The following CNTLN variants were observed in gnomAD, a reference collection of about 807,000 sequenced individuals.
CNTLN encodes centlein, centrosomal protein.
Under a neutral mutation model 180.0 loss-of-function variants are expected in CNTLN, and 212 were observed. The ratio of observed to expected loss-of-function variants is 1.18; its 90% CI spans 1.05 to 1.32. The LOEUF is 1.32. Ranked by LOEUF, CNTLN falls within the 40% of genes most tolerant of loss-of-function variation. The probability of loss-of-function intolerance (pLI) is 0.00; values close to 1 mark genes in which losing one functional copy is unlikely to be tolerated. For synonymous variants in CNTLN, 722 were observed against 563.1 expected (o/e 1.28, Z -3.99); for missense variants, 2,095 against 1,610.9 (o/e 1.30, Z -5.14).
chr9:17,211,052 T>C (rs1823267568), intron 2 of CNTLN, among the ~76,000 whole-genome samples: 1 of 152,228 alleles, frequency 6.6e-6, no homozygotes, highest in Non-Finnish European at 1.5e-5. Context: ...AGAAGCTCTT[T>C]AGTCTAATTA....
chr9:17,288,498 G>T (rs1189038243), intron 6 of CNTLN, among the ~76,000 whole-genome samples: 1 of 142,932 alleles, frequency 7.0e-6, no homozygotes, highest in African/African-American at 2.8e-5. Flanking sequence ...ATTTGGGGTG[G>T]AGAGTTCTGT....
At chr9:17,438,602 A>G (rs538165520) in intron 18 of CNTLN, among the ~76,000 whole-genome samples, 2 of 152,316 alleles carry the variant, frequency 1.3e-5, no homozygotes, top group East Asian at 3.9e-4. Flanking sequence ...AGAATTAAAA[A>G]GAAACTAAAT....
intron 8 of CNTLN, 115 bp downstream of exon 8, chr9:17,309,367 T>G: frequency 1.2e-6 from 1 of 830,712 alleles, no homozygotes; most frequent in Non-Finnish European, 1.8e-6. Context: ...GTATAAGAAG[T>G]GTGCAGATTG....
intron 5 of CNTLN, among the ~76,000 whole-genome samples, chr9:17,259,288 C>T (rs11506206): frequency 1.7e-4 from 25 of 145,712 alleles, no homozygotes; most frequent in African/African-American, 4.2e-4. Flanking sequence ...TATTGATTTG[C>T]GTATATTGAA....
intron 12 of CNTLN, among the ~76,000 whole-genome samples, chr9:17,346,758 C>G (rs535816396): frequency 2.0e-5 from 3 of 152,200 alleles, no homozygotes; most frequent in South Asian, 2.1e-4. Context: ...AGGTTTGTGA[C>G]TTTTGTCAAA....
chr9:17,436,056 T>C (rs575977707), intron 18 of CNTLN, among the ~76,000 whole-genome samples: 1 of 152,300 alleles, frequency 6.6e-6, no homozygotes, highest in South Asian at 2.1e-4. Flanking sequence ...TAGCCTCCTT[T>C]TGTGATATTT....
intron 2 of CNTLN, among the ~76,000 whole-genome samples, chr9:17,163,647 A>C (rs1323669668): frequency 1.3e-5 from 2 of 152,248 alleles, no homozygotes; most frequent in Admixed American, 6.5e-5. Context: ...TGAATAACTG[A>C]ACAAGCAAAT....
intron 2 of CNTLN, among the ~76,000 whole-genome samples, chr9:17,220,244 A>G (rs953936210): frequency 2.0e-5 from 3 of 152,034 alleles, no homozygotes; most frequent in African/African-American, 7.2e-5. Flanking sequence ...GCCTAGTATC[A>G]AGCTCATTTG....
At chr9:17,321,211 G>A (rs1392887562) in intron 8 of CNTLN, among the ~76,000 whole-genome samples, 2 of 152,166 alleles carry the variant, frequency 1.3e-5, no homozygotes, top group African/African-American at 2.4e-5. Flanking sequence ...ATTCGTCACA[G>A]TATATTATTT....
intron 14 of CNTLN, among the ~76,000 whole-genome samples, chr9:17,389,212 G>A (rs1271995026): frequency 6.6e-6 from 1 of 151,958 alleles, no homozygotes; most frequent in Admixed American, 6.6e-5. Context: ...ATTACTGAAT[G>A]ACACATATCA....
At chr9:17,453,847 G>C (rs1005183464) in intron 18 of CNTLN, among the ~76,000 whole-genome samples, 3 of 152,144 alleles carry the variant, frequency 2.0e-5, no homozygotes, top group Non-Finnish European at 2.9e-5. Context: ...AAAACCAACG[G>C]GGGAATCTCC....
intron 23 of CNTLN, among the ~76,000 whole-genome samples, chr9:17,474,675 C>T (rs1832233806): frequency 1.3e-5 from 2 of 152,046 alleles, no homozygotes; most frequent in African/African-American, 4.8e-5. Context: ...TCAAGACCAG[C>T]CTGGCCAACA....
chr9:17,505,479 C>A (rs937236357), downstream of CNTLN, among the ~76,000 whole-genome samples: 1 of 152,070 alleles, frequency 6.6e-6, no homozygotes, highest in African/African-American at 2.4e-5. Flanking sequence ...TGTTTCTATA[C>A]ACTAGTAAGC....
At position 17,413,719 on chromosome 9, in the gene CNTLN, T is replaced by G. The variant is rs1041952588; in HGVS notation, c.2797-2069T>G. On this transcript the variant is annotated intron_variant, in intron 16 of 25. Coordinates refer to ENST00000380647, the MANE Select transcript of CNTLN (RefSeq NM_017738.4). ...AGTAAAAATTAGTGAAAATACCAAG[T>G]GCTGACCAAGGGACAGGGAAACTGG... Among the ~76,000 whole-genome samples the G allele has an allele frequency of 3.3e-5, 5 of 152,240 alleles. No individual in the cohort carries two copies. In the East Asian group the frequency reaches 9.7e-4, roughly 29 times the overall value.
intron 23 of CNTLN, among the ~76,000 whole-genome samples, chr9:17,479,438 A>T (rs1289417386): frequency 6.6e-6 from 1 of 152,244 alleles, no homozygotes; most frequent in Non-Finnish European, 1.5e-5. Context: ...AGCCAGTTAC[A>T]GAAAGACAAG....
At chr9:17,142,291 G>A (rs955220610) in intron 1 of CNTLN, among the ~76,000 whole-genome samples, 9 of 152,008 alleles carry the variant, frequency 5.9e-5, no homozygotes, top group African/African-American at 2.2e-4. Context: ...TAGTGTTAGT[G>A]TATTTTATAT....
At chr9:17,433,097 A>G (rs954080709) in intron 18 of CNTLN, among the ~76,000 whole-genome samples, 1 of 151,790 alleles carries the variant, frequency 6.6e-6, no homozygotes, top group Non-Finnish European at 1.5e-5. Flanking sequence ...ATTCTCCACT[A>G]AATTCCTCAC....
chr9:17,392,806 A>G (rs1056269373), intron 14 of CNTLN, among the ~76,000 whole-genome samples: 2 of 152,156 alleles, frequency 1.3e-5, no homozygotes, highest in African/African-American at 4.8e-5. Context: ...ATTAAAAAAA[A>G]AAGGGTAATA....
chr9:17,524,559 C>T, the CNTLN span, among the ~76,000 whole-genome samples: 2 of 152,178 alleles, frequency 1.3e-5, no homozygotes, highest in Non-Finnish European at 2.9e-5. Flanking sequence ...TAATGTTTGA[C>T]CAAGTGTCTA....
Sources: allele counts gnomAD v4.1 joint callset (sites outside exome capture counted in the v4.1 genomes callset), GRCh38; gene constraint gnomAD v4.1.1; transcripts MANE v1.5; gene names NCBI Gene and HGNC (gene_info 2026-07-23, HGNC 2026-07-21).